Variants in ANKRD22 observed in about 807,000 individuals in gnomAD.
ANKRD22 encodes ankyrin repeat domain-containing protein 22.
In ANKRD22, 24 loss-of-function variants were observed where a neutral mutation model predicts 25.7. The observed-to-expected ratio is 0.93, with a 90% CI of 0.68 to 1.31. ANKRD22 has a LOEUF of 1.31. Ranked by LOEUF, ANKRD22 falls within the 50% of genes most tolerant of loss-of-function variation. The pLI, the probability that ANKRD22 is intolerant of heterozygous loss-of-function variation, is 0.00. For missense variants in ANKRD22, 214 were observed against 227.1 expected, an observed-to-expected ratio of 0.94 and a Z score of 0.37; for synonymous variants, 84 against 84.3, an observed-to-expected ratio of 1.00 and a Z score of 0.02.
At position 88,825,011 on chromosome 10, in the gene ANKRD22, T is replaced by TCACA. The variant is rs71022545; in HGVS notation, c.399+1023_399+1026dup. Among the ~76,000 whole-genome samples the TCACA allele has an allele frequency of 7.3e-3, 819 of 111,480 alleles. 12 individuals carry two copies. Among genetic ancestry groups the TCACA allele is most frequent in the African/African-American group, 0.022 (762 of 34,002 alleles). 73.1% of individuals were successfully genotyped at this position (111,480 alleles called of 152,430 possible). ...CTCTCTCTCTCTCTCTCTCTCTCTC[T>TCACA]CACACACACACACACACACACACAC... On this transcript the variant is annotated intron_variant, in intron 4 of 5. Coordinates refer to ENST00000371930, the MANE Select transcript of ANKRD22 (RefSeq NM_144590.3).
At chr10:88,829,477 A>G (rs149411496) in intron 2 of ANKRD22, among the ~76,000 whole-genome samples, 159 of 152,338 alleles carry the variant, frequency 1.0e-3, no homozygotes, top group Middle Eastern at 3.4e-3. Flanking sequence ...TAAATTGCCC[A>G]TTATTATATT....
At chr10:88,833,045 C>A (rs1405615054) in intron 1 of ANKRD22, among the ~76,000 whole-genome samples, 1 of 152,200 alleles carries the variant, frequency 6.6e-6, no homozygotes, top group Admixed American at 6.5e-5. Context: ...TCCCTCACAG[C>A]AACTGACATA....
In ANKRD22 at chr10:88,822,543, G is replaced by GGTTTTTTTTTTTTTTTTTTTTTTT. The variant is rs1491462149; in HGVS notation, c.*397_*398insAAAAAAAAAAAAAAAAAAAAAAAC. 2 of 19,726 alleles carry GGTTTTTTTTTTTTTTTTTTTTTTT rather than the reference G, an allele frequency of 1.0e-4. No homozygotes were observed. Among genetic ancestry groups the GGTTTTTTTTTTTTTTTTTTTTTTT allele is most frequent in the African/African-American group, 3.5e-4 (1 of 2,856 alleles). 1.2% of individuals were successfully genotyped at this position (19,726 alleles called of 1,614,324 possible). On this transcript the variant is annotated 3_prime_UTR_variant, in exon 6 of 6. Coordinates refer to ENST00000371930, the MANE Select transcript of ANKRD22 (RefSeq NM_144590.3). ...GAAAGACTGAGTTTGGAACACCAGGGCTTTTTTTTTTTTTTTTTTTTTTGA... is the reference window on the plus strand; with the variant it reads ...GAAAGACTGAGTTTGGAACACCAGGGGTTTTTTTTTTTTTTTTTTTTTTTCTTTTTTTTTTTTTTTTTTTTTTGA...
At chr10:88,849,173 T>C (rs1844081078) in intron 1 of ANKRD22, among the ~76,000 whole-genome samples, 1 of 152,146 alleles carries the variant, frequency 6.6e-6, no homozygotes. Flanking sequence ...TGTAAAAGAT[T>C]CTTTAAGTCT....
chr10:88,839,573 A>G (rs1239701247), intron 1 of ANKRD22, among the ~76,000 whole-genome samples: 1 of 152,138 alleles, frequency 6.6e-6, no homozygotes, highest in Non-Finnish European at 1.5e-5. Context: ...GCAGCAGGAA[A>G]TATACAGAAC....
intron 1 of ANKRD22, 60 bp downstream of exon 1, chr10:88,851,527 C>A (rs1844104481): frequency 6.3e-7 from 1 of 1,587,928 alleles, no homozygotes; most frequent in Admixed American, 1.7e-5. Context: ...AAAATTGCAT[C>A]TGAAAAGCAT....
chr10:88,833,708 A>G (rs1843927590), intron 1 of ANKRD22, among the ~76,000 whole-genome samples: 1 of 152,222 alleles, frequency 6.6e-6, no homozygotes, highest in Non-Finnish European at 1.5e-5. Flanking sequence ...TCTGTACCTT[A>G]AAAATGAAAT....
At position 88,820,264 on chromosome 10, in the gene ANKRD22, G is replaced by C; in HGVS notation, c.*2677C>G. 6.4e-7 allele frequency: 1 copy of C among 1,551,700 alleles called. No individual in the cohort carries two copies. Among genetic ancestry groups the C allele is most frequent in the Non-Finnish European group, 8.7e-7 (1 of 1,147,022 alleles). The stretch of plus-strand genomic sequence containing the variant: ...CTGTAAGGTACAGAGTCAGAGATAT[G>C]ACGGTCCCTACAGCAATGTGGACAG... On this transcript the variant is annotated 3_prime_UTR_variant, in exon 6 of 6. Coordinates refer to ENST00000371930, the MANE Select transcript of ANKRD22 (RefSeq NM_144590.3).
chr10:88,849,686 A>G (rs1367329193), intron 1 of ANKRD22, among the ~76,000 whole-genome samples: 3 of 152,178 alleles, frequency 2.0e-5, no homozygotes, highest in Admixed American at 1.3e-4. Context: ...CTAATCTATA[A>G]GAAGCCCTAA....
chr10:88,824,575 G>T (rs1843835308), intron 4 of ANKRD22, among the ~76,000 whole-genome samples: 1 of 152,110 alleles, frequency 6.6e-6, no homozygotes, highest in Non-Finnish European at 1.5e-5. Context: ...AAAAATTTTG[G>T]TATTAGAAGT....
rs186730752 is a variant in ANKRD22 at position 88,829,976 on chromosome 10, C to T, written c.214-1310G>A. 2.6e-4 allele frequency among the ~76,000 whole-genome samples: 38 copies of T among 147,808 alleles called. No individual in the cohort carries two copies. In the East Asian group the frequency reaches 3.1e-3, roughly 12 times the overall value. Reference sequence around the variant, plus strand: ...CTTATTATTATTTTGTGTAGAGATGCGGGGGTCTTGCTATGTTGCCTAGGC... The same window carrying T: ...CTTATTATTATTTTGTGTAGAGATGTGGGGGTCTTGCTATGTTGCCTAGGC... On this transcript the variant is annotated intron_variant, in intron 2 of 5. Transcript: ENST00000371930.
intron 1 of ANKRD22, among the ~76,000 whole-genome samples, chr10:88,838,171 G>A (rs1014978024): frequency 7.9e-5 from 12 of 152,092 alleles, no homozygotes; most frequent in Non-Finnish European, 1.8e-4. Flanking sequence ...ATATAAAATG[G>A]CTTTGAAAAC....
chr10:88,828,568 A>G lies in ANKRD22; in HGVS notation c.312T>C (p.Tyr104=), dbSNP rs1426515758. ...ILLMPVLLIG[Y]FLMVSKTKQN... ...CAAGTGTTGTACTCACCATGAGGAA[A>G]TACCCAATAAGCAGAACAGGCATTA... The change falls in exon 3 of 6, where the codon TAT becomes TAC. Residue 104 remains tyrosine, a synonymous_variant. Transcript: ENST00000371930. 1 of 1,602,618 alleles carries G rather than the reference A, an allele frequency of 6.2e-7. No individual in the cohort carries two copies. The highest frequency in any genetic ancestry group is 1.3e-5 in the African/African-American group (1 of 74,706).
Position 88,824,128 on chromosome 10 carries a change from G to T in ANKRD22, c.400-750C>A, listed in dbSNP as rs112140110. Reference sequence around the variant, plus strand: ...AAGAAGTCGGGTGCTCTTGCTGCAGGACACCTGCAAGATCAGTGCAGTTCT... The same window carrying T: ...AAGAAGTCGGGTGCTCTTGCTGCAGTACACCTGCAAGATCAGTGCAGTTCT... On this transcript the variant is annotated intron_variant, in intron 4 of 5. Coordinates refer to ENST00000371930, the MANE Select transcript of ANKRD22 (RefSeq NM_144590.3). Among the ~76,000 whole-genome samples the T allele has an allele frequency of 9.8e-5, 15 of 152,298 alleles. 2 individuals carry two copies. Among genetic ancestry groups the T allele is most frequent in the African/African-American group, 3.4e-4 (14 of 41,556 alleles).
intron 1 of ANKRD22, among the ~76,000 whole-genome samples, chr10:88,846,021 C>G (rs1844044980): frequency 6.6e-6 from 1 of 152,116 alleles, no homozygotes; most frequent in African/African-American, 2.4e-5. Context: ...GCTATTTCAC[C>G]ATTGGTTAAT....
rs12414800 is a variant in ANKRD22 at position 88,827,173 on chromosome 10, C to T, written c.322-1058G>A. Among the ~76,000 whole-genome samples the T allele has an allele frequency of 0.016, 2,381 of 152,122 alleles. 100 individuals carry two copies. The East Asian group carries it at 0.17, about 11-fold the overall frequency. ...TCCAGTTCTCTCTCCTTAGGCTTCCCTCTTGTGTCACCTCCTAAACTGCCT... is the reference window on the plus strand; with the variant it reads ...TCCAGTTCTCTCTCCTTAGGCTTCCTTCTTGTGTCACCTCCTAAACTGCCT... On this transcript the variant is annotated intron_variant, in intron 3 of 5. Coordinates refer to ENST00000371930, the MANE Select transcript of ANKRD22 (RefSeq NM_144590.3).
chr10:88,838,122 A>G lies in ANKRD22; in HGVS notation c.22-6096T>C, dbSNP rs975555187. ...TTGAGCATGATGGGGAAGATTTTGGACCATCGTAATTAAAACTGTCTACAT... is the reference window on the plus strand; with the variant it reads ...TTGAGCATGATGGGGAAGATTTTGGGCCATCGTAATTAAAACTGTCTACAT... On this transcript the variant is annotated intron_variant, in intron 1 of 5. Transcript: ENST00000371930. Among the ~76,000 whole-genome samples, 4 of 152,316 alleles carry G rather than the reference A, an allele frequency of 2.6e-5. 1 individual carries two copies.
chr10:88,846,539 C>T (rs1844050403), intron 1 of ANKRD22, among the ~76,000 whole-genome samples: 1 of 152,164 alleles, frequency 6.6e-6, no homozygotes, highest in Admixed American at 6.5e-5. Flanking sequence ...TCCAGCTTCC[C>T]TGCAGTGAGC....
intron 1 of ANKRD22, among the ~76,000 whole-genome samples, chr10:88,841,030 G>A (rs1843999380): frequency 1.3e-5 from 2 of 152,188 alleles, no homozygotes; most frequent in East Asian, 3.9e-4. Context: ...TAGAAGCAGG[G>A]CACATATTGA....
Sources: gnomAD v4.1 joint callset for allele counts (sites outside exome capture counted in the v4.1 genomes callset) on GRCh38, gnomAD v4.1.1 for gene constraint, MANE v1.5 for transcripts, NCBI Gene and HGNC (gene_info 2026-07-23, HGNC 2026-07-21) for gene names.